Variants in SPOCK3 observed in about 807,000 individuals in gnomAD.
SPOCK3 encodes testican-3.
In SPOCK3, 30 loss-of-function variants were observed where a neutral mutation model predicts 56.6. The ratio of observed to expected loss-of-function variants is 0.53; its 90% CI spans 0.40 to 0.72. SPOCK3 has a LOEUF of 0.72. Among genes scored for constraint, SPOCK3 ranks in the 30% least tolerant of loss-of-function variants. The pLI is 0.00. For missense variants in SPOCK3, 527 were observed against 530.0 expected (o/e 0.99, Z 0.06); for synonymous variants, 196 against 183.3 (o/e 1.07, Z -0.56).
chr4:167,068,575 G>A (rs1217074038), intron 2 of SPOCK3, among the ~76,000 whole-genome samples: 1 of 151,700 alleles, frequency 6.6e-6, no homozygotes, highest in African/African-American at 2.4e-5. Flanking sequence ...TATAATATAT[G>A]GAATAGGTGG....
rs1053566659 is a variant in SPOCK3, at chr4:167,234,079, C to A, written c.95G>T (p.Arg32Leu). ...ATCCAGAAAATTACCGCCGTCCGACCGCCCCCCGGCTGCAGCCACCGCCGC... is the reference window on the plus strand; with the variant it reads ...ATCCAGAAAATTACCGCCGTCCGACAGCCCCCCGGCTGCAGCCACCGCCGC... ...AAAAVAAAGGRSDGGNFLDDK... is the reference protein window; with the variant it reads ...AAAAVAAAGGLSDGGNFLDDK... The change falls in exon 2 of 11, where the codon CGG becomes CTG. Residue 32 changes from arginine to leucine, a missense_variant. Arg to Leu is a moderately radical substitution (Grantham distance 102). Transcript: ENST00000357545. The A allele has an allele frequency of 8.1e-6, 13 of 1,613,682 alleles. 1 individual carries two copies. The Admixed American group carries it at 2.0e-4, about 25-fold the overall frequency.
intron 6 of SPOCK3, among the ~76,000 whole-genome samples, chr4:166,870,503 G>C (rs927082780): frequency 6.6e-6 from 1 of 151,920 alleles, no homozygotes; most frequent in Non-Finnish European, 1.5e-5. Flanking sequence ...ACGATATTAA[G>C]TATATTCTTA....
intron 2 of SPOCK3, among the ~76,000 whole-genome samples, chr4:167,150,179 A>G (rs1764296688): frequency 6.6e-6 from 1 of 152,200 alleles, no homozygotes; most frequent in African/African-American, 2.4e-5. Flanking sequence ...TACAGCATTT[A>G]GAGCCCTGAA....
At chr4:166,750,518 A>G (rs1214495459) in intron 8 of SPOCK3, among the ~76,000 whole-genome samples, 2 of 147,786 alleles carry the variant, frequency 1.4e-5, no homozygotes, top group Non-Finnish European at 3.0e-5. Context: ...TTTAATCAGA[A>G]TTTTTTATTA....
intron 2 of SPOCK3, among the ~76,000 whole-genome samples, chr4:167,125,945 G>A (rs1030351567): frequency 2.7e-4 from 41 of 152,152 alleles, no homozygotes; most frequent in Admixed American, 7.2e-4. Flanking sequence ...GAAATGGAGG[G>A]CATGACCTCC....
chr4:166,809,093 C>G (rs10032215), intron 6 of SPOCK3, among the ~76,000 whole-genome samples: 1 of 151,962 alleles, frequency 6.6e-6, no homozygotes, highest in Non-Finnish European at 1.5e-5. Context: ...GGTTTGTAGA[C>G]TCTGTCATAC....
chr4:167,159,629 C>T (rs1461930453), intron 2 of SPOCK3, among the ~76,000 whole-genome samples: 2 of 151,980 alleles, frequency 1.3e-5, no homozygotes, highest in African/African-American at 2.4e-5. Context: ...AACATTGATG[C>T]AAAAATTCTC....
Position 167,188,292 on chromosome 4 carries a change from T to C in SPOCK3, c.189+45693A>G, listed in dbSNP as rs1369497849. ...TAAATATTACTTAACTCACTTTCTA[T>C]TGTTCCTTTATACATTTACTCACAA... On this transcript the variant is annotated intron_variant, in intron 2 of 10. Transcript: ENST00000357545. Among the ~76,000 whole-genome samples, 3 of 145,978 alleles carry C rather than the reference T, an allele frequency of 2.1e-5. 1 individual carries two copies. The highest frequency in any genetic ancestry group is 4.5e-5 in the Non-Finnish European group (3 of 67,058).
In SPOCK3 at chr4:166,763,825, T is replaced by C. The variant is rs558413999; in HGVS notation, c.710-9096A>G. ...AACTATGTTAGTTTGGTATTGCTGC[T>C]GTAATAGATGACCACGAAATTTAAT... On this transcript the variant is annotated intron_variant, in intron 7 of 10. Transcript: ENST00000357545. Among the ~76,000 whole-genome samples the C allele has an allele frequency of 3.9e-5, 6 of 152,274 alleles. No individual in the cohort carries two copies. The South Asian group carries it at 1.2e-3, about 32-fold the overall frequency.
chr4:167,197,569 ATTT>A (rs963884567), intron 2 of SPOCK3, among the ~76,000 whole-genome samples: 62 of 151,828 alleles, frequency 4.1e-4, no homozygotes, highest in African/African-American at 1.5e-3. Flanking sequence ...CCTTAATATT[ATTT>A]TAAGATTGTA....
intron 7 of SPOCK3, among the ~76,000 whole-genome samples, chr4:166,762,001 A>G (rs74197863): frequency 0.19 from 29,302 of 150,712 alleles, 3,629 homozygotes; most frequent in South Asian, 0.29. Context: ...TTTAATGCTC[A>G]TATCTGTGAA....
chr4:167,117,510 C>T (rs1307873024), intron 2 of SPOCK3, among the ~76,000 whole-genome samples: 1 of 152,168 alleles, frequency 6.6e-6, no homozygotes, highest in Non-Finnish European at 1.5e-5. Context: ...GGGAACCCCC[C>T]ACCCACGTAG....
intron 2 of SPOCK3, among the ~76,000 whole-genome samples, chr4:167,200,713 T>G (rs1338886144): frequency 6.6e-6 from 1 of 152,080 alleles, no homozygotes; most frequent in African/African-American, 2.4e-5. Flanking sequence ...AACTATCAAT[T>G]TCTAACCTTG....
intron 6 of SPOCK3, among the ~76,000 whole-genome samples, chr4:166,837,831 C>T (rs2126816324): frequency 6.6e-6 from 1 of 151,932 alleles, no homozygotes; most frequent in East Asian, 1.9e-4. Context: ...CCAGACTTTC[C>T]TATAGTTATT....
chr4:166,953,678 A>G (rs1249230122), intron 4 of SPOCK3, among the ~76,000 whole-genome samples: 1 of 152,240 alleles, frequency 6.6e-6, no homozygotes, highest in Non-Finnish European at 1.5e-5. Flanking sequence ...AAGACTTGGA[A>G]CCAACCCAAA....
At chr4:167,002,999 T>C (rs1277751439) in intron 3 of SPOCK3, among the ~76,000 whole-genome samples, 1 of 152,190 alleles carries the variant, frequency 6.6e-6, no homozygotes, top group East Asian at 1.9e-4. Flanking sequence ...AAGGAGTGTT[T>C]TCATTTTGAA....
chr4:166,992,343 C>A (rs560848962), intron 4 of SPOCK3, among the ~76,000 whole-genome samples: 1 of 152,104 alleles, frequency 6.6e-6, no homozygotes, highest in Non-Finnish European at 1.5e-5. Context: ...TTTAAAATTG[C>A]TATCACTGAC....
chr4:167,119,796 G>C, intron 2 of SPOCK3: 1 of 1,532,916 alleles, frequency 6.5e-7, no homozygotes, highest in South Asian at 1.2e-5. Flanking sequence ...TTCATTACCT[G>C]ACTGAGCCCA....
At chr4:167,205,414 T>A (rs9997246) in intron 2 of SPOCK3, among the ~76,000 whole-genome samples, 722 of 46,128 alleles carry the variant, frequency 0.016, 27 homozygotes, top group African/African-American at 0.066. Flanking sequence ...TATTATATAT[T>A]AAATATATAA....
Sources: allele counts gnomAD v4.1 joint callset (sites outside exome capture counted in the v4.1 genomes callset), GRCh38; gene constraint gnomAD v4.1.1; transcripts MANE v1.5; gene names NCBI Gene and HGNC (gene_info 2026-07-23, HGNC 2026-07-21).